PTPN20: variants seen among roughly 807,000 people sequenced by gnomAD.
PTPN20 encodes the protein protein tyrosine phosphatase non-receptor type 20, also known as tyrosine-protein phosphatase non-receptor type 20.
A neutral mutation model predicts 35.0 loss-of-function variants in PTPN20; 9 were observed. That is an observed-to-expected ratio of 0.26 (90% CI 0.15 to 0.45). PTPN20 has a LOEUF of 0.45. PTPN20 is among the 20% of genes least tolerant of loss of function. The pLI is 1.00. For missense variants in PTPN20, 111 were observed against 312.5 expected, an observed-to-expected ratio of 0.36 and a Z score of 4.86; for synonymous variants, 32 against 100.2, an observed-to-expected ratio of 0.32 and a Z score of 4.06.
At chr10:46,950,538 T>C (rs1364411355) in intron 5 of PTPN20, among the ~76,000 whole-genome samples, 1 of 151,874 alleles carries the variant, frequency 6.6e-6, no homozygotes, top group Non-Finnish European at 1.5e-5. Context: ...CAGGGGCTAA[T>C]GTTCTGTTTT....
rs1467256791 is a variant in PTPN20, at chr10:47,000,438, AAC to A, written c.1198-236_1198-235del. Among the ~76,000 whole-genome samples the A allele has an allele frequency of 2.0e-5, 3 of 152,284 alleles. No individual in the cohort carries two copies. In the East Asian group the frequency reaches 5.8e-4, roughly 29 times the overall value. ...ATAGAATATGGATAATGATAAAAAAAACAGTTATGTTAAGCCTTAAGGTAACT... is the reference window on the plus strand; with the variant it reads ...ATAGAATATGGATAATGATAAAAAAAAGTTATGTTAAGCCTTAAGGTAACT... On this transcript the variant is annotated intron_variant, in intron 10 of 10. Coordinates refer to ENST00000374339, the MANE Select transcript of PTPN20 (RefSeq NM_001042357.5).
intron 9 of PTPN20, among the ~76,000 whole-genome samples, chr10:46,992,360 A>T (rs959352996): frequency 3.4e-4 from 52 of 152,036 alleles, no homozygotes; most frequent in African/African-American, 1.2e-3. Context: ...TGGCCCCAAG[A>T]GATCCTCCCA....
Position 46,928,135 on chromosome 10 carries a change from C to A in PTPN20, c.-123-4242C>A, listed in dbSNP as rs1192478728. ...AGAATGTAGCTCATGGCAACTGTAT[C>A]ATCATCAGTCCCTGGGTTTCAAGGG... On this transcript the variant is annotated intron_variant, in intron 1 of 10. Coordinates refer to ENST00000374339, the MANE Select transcript of PTPN20 (RefSeq NM_001042357.5). Among the ~76,000 whole-genome samples the A allele has an allele frequency of 5.3e-5, 8 of 151,064 alleles. No homozygotes were observed. The South Asian group carries it at 1.5e-3, about 28-fold the overall frequency.
intron 7 of PTPN20, among the ~76,000 whole-genome samples, chr10:46,979,372 G>C (rs1251216748): frequency 2.9e-5 from 3 of 103,930 alleles, no homozygotes; most frequent in African/African-American, 1.5e-4. Flanking sequence ...TCCAAGCCCT[G>C]GAATGAATAA....
intron 5 of PTPN20, among the ~76,000 whole-genome samples, chr10:46,952,141 C>T (rs2046888385): frequency 7.5e-6 from 1 of 132,700 alleles, no homozygotes; most frequent in Non-Finnish European, 1.6e-5. Context: ...CCTTCCAGAT[C>T]TGACATGAGA....
At chr10:46,954,388 A>G (rs557567953) in intron 5 of PTPN20, among the ~76,000 whole-genome samples, 1 of 149,528 alleles carries the variant, frequency 6.7e-6, no homozygotes, top group Admixed American at 6.7e-5. Context: ...ATACGGCCAC[A>G]TATGGGCCAC....
At chr10:46,932,561 A>G (rs1555120729) in intron 2 of PTPN20, 28 bp downstream of exon 2, 3 of 1,610,256 alleles carry the variant, frequency 1.9e-6, no homozygotes, top group Non-Finnish European at 1.7e-6. Flanking sequence ...TTTTGTGGGT[A>G]TGGGATCAGG....
intron 9 of PTPN20, among the ~76,000 whole-genome samples, chr10:46,992,243 C>T (rs1291590910): frequency 6.6e-6 from 1 of 151,706 alleles, no homozygotes; most frequent in African/African-American, 2.4e-5. Flanking sequence ...ATGCCTCAGC[C>T]TCCTGAGTAA....
At chr10:46,994,730 A>T (rs1018093575) in intron 9 of PTPN20, among the ~76,000 whole-genome samples, 194 of 150,462 alleles carry the variant, frequency 1.3e-3, no homozygotes, top group African/African-American at 4.6e-3. Context: ...CTCTTGTTCA[A>T]CTCCCTCTTG....
intron 1 of PTPN20, among the ~76,000 whole-genome samples, chr10:46,920,451 C>T (rs1362001908): frequency 2.7e-5 from 4 of 148,984 alleles, no homozygotes; most frequent in Non-Finnish European, 5.9e-5. Context: ...GATGTTCACA[C>T]CATTACTCCC....
intron 1 of PTPN20, among the ~76,000 whole-genome samples, chr10:46,923,082 A>T (rs1351351887): frequency 2.8e-5 from 4 of 144,416 alleles, no homozygotes; most frequent in Non-Finnish European, 5.9e-5. Context: ...TGTATTTTGC[A>T]TACAGTAAGG....
intron 5 of PTPN20, among the ~76,000 whole-genome samples, chr10:46,950,838 G>A (rs1468764902): frequency 6.6e-6 from 1 of 151,926 alleles, no homozygotes; most frequent in Non-Finnish European, 1.5e-5. Context: ...AAAAATTGAT[G>A]TGTGCTCTGC....
chr10:46,931,865 C>T (rs1253162362), intron 1 of PTPN20, among the ~76,000 whole-genome samples: 1 of 146,298 alleles, frequency 6.8e-6, no homozygotes, highest in Non-Finnish European at 1.5e-5. Context: ...GCCTTACAGG[C>T]CCTTTATGGC....
At chr10:46,931,443 G>A (rs563784363) in intron 1 of PTPN20, among the ~76,000 whole-genome samples, 3 of 141,898 alleles carry the variant, frequency 2.1e-5, no homozygotes, top group Non-Finnish European at 4.5e-5. Context: ...CTGTTGCCCA[G>A]GCTAGACTGC....
intron 9 of PTPN20, among the ~76,000 whole-genome samples, chr10:46,994,414 C>T (rs1471145182): frequency 4.8e-5 from 7 of 147,188 alleles, no homozygotes; most frequent in South Asian, 2.2e-4. Context: ...CTGCAAGCTC[C>T]GCCGCCTCCC....
chr10:46,947,969 A>G, intron 5 of PTPN20: 1 of 453,516 alleles, frequency 2.2e-6, no homozygotes, highest in Non-Finnish European at 4.4e-6. Flanking sequence ...AATATCTAGG[A>G]GTGGGATTGC....
chr10:46,999,493 G>T (rs1236248823), intron 9 of PTPN20, among the ~76,000 whole-genome samples: 1 of 152,172 alleles, frequency 6.6e-6, no homozygotes, highest in Non-Finnish European at 1.5e-5. Flanking sequence ...ACACAGTCTG[G>T]AATCTAGTGT....
chr10:46,992,989 A>G (rs2058283346), intron 9 of PTPN20, among the ~76,000 whole-genome samples: 1 of 152,174 alleles, frequency 6.6e-6, no homozygotes, highest in Non-Finnish European at 1.5e-5. Flanking sequence ...CAGAGGGCCA[A>G]CACTCTGTAT....
chr10:46,954,751 T>G (rs1273611372), intron 5 of PTPN20, among the ~76,000 whole-genome samples: 2 of 150,998 alleles, frequency 1.3e-5, no homozygotes, highest in Non-Finnish European at 2.9e-5. Flanking sequence ...TTTCTGCTCT[T>G]TATTATTTCC....
Sources: gnomAD v4.1 joint callset for allele counts (sites outside exome capture counted in the v4.1 genomes callset) on GRCh38, gnomAD v4.1.1 for gene constraint, MANE v1.5 for transcripts, NCBI Gene and HGNC (gene_info 2026-07-23, HGNC 2026-07-21) for gene names.